Variants in AP5M1 observed in about 807,000 individuals in gnomAD.
The protein encoded by AP5M1 is adaptor related protein complex 5 subunit mu 1.
Under a neutral mutation model 52.3 loss-of-function variants are expected in AP5M1, and 44 were observed. The ratio of observed to expected loss-of-function variants is 0.84; its 90% CI spans 0.66 to 1.08. The LOEUF (loss-of-function observed/expected upper bound fraction) is 1.08. AP5M1 is among the 50% of genes least tolerant of loss of function. AP5M1 has a pLI of 0.00. For synonymous variants in AP5M1, 213 were observed against 199.0 expected (o/e 1.07, Z -0.59); for missense variants, 526 against 568.4 (o/e 0.93, Z 0.76).
chr14:57,296,589 T>C lies in AP5M1; in HGVS notation c.*7705T>C, dbSNP rs1885557576. ...AGAAGTGGTTAGTAATATTTGTAGC[T>C]TGTTAACCAACTGGAGCAAAAGGAC... On this transcript the variant is annotated 3_prime_UTR_variant, in exon 8 of 8. Coordinates refer to ENST00000261558, the MANE Select transcript of AP5M1 (RefSeq NM_018229.4). 1 of 152,118 alleles carries C rather than the reference T, an allele frequency of 6.6e-6. No homozygotes were observed. Among genetic ancestry groups the C allele is most frequent in the African/African-American group, 2.4e-5 (1 of 41,458 alleles). 9.4% of individuals were successfully genotyped at this position (152,118 alleles called of 1,614,324 possible).
At chr14:57,278,205 T>C (rs1051232326) in intron 2 of AP5M1, among the ~76,000 whole-genome samples, 1 of 152,158 alleles carries the variant, frequency 6.6e-6, no homozygotes, top group African/African-American at 2.4e-5. Flanking sequence ...ATGTCTAATA[T>C]AGAAATTAGG....
chr14:57,274,829 G>A lies in AP5M1; in HGVS notation c.660G>A (p.Met220Ile). The A allele has an allele frequency of 6.2e-7, 1 of 1,614,158 alleles. No homozygotes were observed. Among genetic ancestry groups the A allele is most frequent in the Non-Finnish European group, 8.5e-7 (1 of 1,180,022 alleles). ...SISITEKVKS[M>I]QYDKQGIADT... ...CTATCACTGAAAAGGTAAAATCCATGCAATATGATAAACAGGGTATAGCAG... is the reference window on the plus strand; with the variant it reads ...CTATCACTGAAAAGGTAAAATCCATACAATATGATAAACAGGGTATAGCAG... Residue 220 changes from methionine (M) to isoleucine (I), a missense_variant, in exon 2 of 8, where the codon ATG (methionine) becomes ATA (isoleucine). This residue lies in a region of AP5M1 where 425 missense variants were observed against 430.6 expected (regional missense o/e 0.99). Coordinates refer to ENST00000261558, the MANE Select transcript of AP5M1 (RefSeq NM_018229.4).
Position 57,289,028 on chromosome 14 carries a change from T to G in AP5M1, c.*144T>G. The G allele has an allele frequency of 2.0e-6, 1 of 505,616 alleles. No homozygotes were observed. The highest frequency in any genetic ancestry group is 2.7e-5 in the South Asian group (1 of 36,752). The allele number at this position is 505,616 out of a possible 1,614,324, so 31.3% of individuals were successfully genotyped here. A position where few individuals can be genotyped will look rare whatever the true frequency, so the allele number is the denominator to read the frequency against. ...TAAAAGTAGTCTTATGTGGTGTTTGTAGTCTGATAGAGCTTGAAAGGACAT... is the reference window on the plus strand; with the variant it reads ...TAAAAGTAGTCTTATGTGGTGTTTGGAGTCTGATAGAGCTTGAAAGGACAT... On this transcript the variant is annotated 3_prime_UTR_variant, in exon 8 of 8. Transcript: ENST00000261558.
rs1451667991 is a variant in AP5M1 at position 57,298,075 on chromosome 14, A to AACCT, written c.*9191_*9192insACCT. On this transcript the variant is annotated 3_prime_UTR_variant, in exon 8 of 8. Coordinates refer to ENST00000261558, the MANE Select transcript of AP5M1 (RefSeq NM_018229.4). ...ATCATAGGACACGTTCCTTGCAGTT[A>AACCT]TGCTTCAGTGAACTTTAAAACATTT... The AACCT allele has an allele frequency of 6.6e-6, 1 of 152,200 alleles. No homozygotes were observed. Among genetic ancestry groups the AACCT allele is most frequent in the Non-Finnish European group, 1.5e-5 (1 of 68,026 alleles). The allele number at this position is 152,200 out of a possible 1,614,324, so 9.4% of individuals were successfully genotyped here.
intron 7 of AP5M1, 106 bp from the exon 8 acceptor site, chr14:57,288,696 A>T: frequency 5.8e-6 from 4 of 686,154 alleles, no homozygotes; most frequent in Non-Finnish European, 1.0e-5. Flanking sequence ...ATTTCAAAGT[A>T]TTGACTTGAA....
rs755332047 is a variant in AP5M1, at chr14:57,274,482, A to T, written c.313A>T (p.Ile105Leu). 1 of 1,614,178 alleles carries T rather than the reference A, an allele frequency of 6.2e-7. No homozygotes were observed. Among genetic ancestry groups the T allele is most frequent in the East Asian group, 2.2e-5 (1 of 44,880 alleles). Residue 105 changes from isoleucine to leucine, a missense_variant, in exon 2 of 8, where the codon ATA becomes TTA. By Grantham distance (5) the Ile-to-Leu change is conservative. Around this residue, in one of 3 missense-constraint regions of AP5M1, gnomAD observed 425 missense variants for 430.6 expected, o/e 0.99. Coordinates refer to ENST00000261558, the MANE Select transcript of AP5M1 (RefSeq NM_018229.4). ...PVVAFLKNDM[I>L]YACVPLVEQT... ...TGTTGCTTTTCTGAAGAATGACATG[A>T]TATATGCTTGTGTTCCACTAGTTGA...
At chr14:57,282,896 C>G in intron 4 of AP5M1, 38 bp from the exon 5 acceptor site, 1 of 1,395,708 alleles carries the variant, frequency 7.2e-7, no homozygotes, top group South Asian at 1.3e-5. Context: ...ACTGTTATAT[C>G]TATGATCTTT....
At chr14:57,280,701 G>A (rs894404964) in intron 3 of AP5M1, among the ~76,000 whole-genome samples, 3 of 151,888 alleles carry the variant, frequency 2.0e-5, no homozygotes, top group Admixed American at 2.0e-4. Flanking sequence ...AATACAAAAA[G>A]TTAGCCAGGC....
intron 1 of AP5M1, among the ~76,000 whole-genome samples, chr14:57,272,526 A>G (rs1884919088): frequency 6.6e-6 from 1 of 152,228 alleles, no homozygotes; most frequent in African/African-American, 2.4e-5. Flanking sequence ...CCTGTTTTAG[A>G]AAAAGCATAT....
At position 57,296,427 on chromosome 14, in the gene AP5M1, T is replaced by C. The variant is rs975359892; in HGVS notation, c.*7543T>C. The C allele has an allele frequency of 6.6e-6, 1 of 152,022 alleles. No homozygotes were observed. Among genetic ancestry groups the C allele is most frequent in the Non-Finnish European group, 1.5e-5 (1 of 67,950 alleles). The allele number at this position is 152,022 out of a possible 1,614,324, so 9.4% of individuals were successfully genotyped here. ...CTTACCATTTCTATAACATGTACAT[T>C]TATAGAGCATCATATATTTATTTTA... On this transcript the variant is annotated 3_prime_UTR_variant, in exon 8 of 8. Coordinates refer to ENST00000261558, the MANE Select transcript of AP5M1 (RefSeq NM_018229.4).
intron 2 of AP5M1, 121 bp from the exon 3 acceptor site, chr14:57,280,072 AAG>A: frequency 1.3e-6 from 1 of 748,764 alleles, no homozygotes; most frequent in South Asian, 1.7e-5. Context: ...ACAGAAAGCA[AAG>A]AGAACAATAC....
chr14:57,277,085 A>G (rs1478942731), intron 2 of AP5M1, among the ~76,000 whole-genome samples: 1 of 151,174 alleles, frequency 6.6e-6, no homozygotes, highest in Non-Finnish European at 1.5e-5. Flanking sequence ...AAGTTACACA[A>G]TTTTGTGAAT....
At chr14:57,277,261 G>A (rs1209818365) in intron 2 of AP5M1, among the ~76,000 whole-genome samples, 1 of 151,806 alleles carries the variant, frequency 6.6e-6, no homozygotes, top group Non-Finnish European at 1.5e-5. Flanking sequence ...CTGATGATCC[G>A]GCATTTTAAG....
rs1449903017 is a variant in AP5M1, at chr14:57,288,705, A to T, written c.1391-97A>T. The stretch of plus-strand genomic sequence containing the variant: ...ATGAATATTTCAAAGTATTGACTTG[A>T]AATAACTGCATTCCACAATTTCAAA... On this transcript the variant is annotated intron_variant, in intron 7 of 7. Coordinates refer to ENST00000261558, the MANE Select transcript of AP5M1 (RefSeq NM_018229.4). 5.5e-6 allele frequency: 4 copies of T among 721,928 alleles called. 1 individual carries two copies. The highest frequency in any genetic ancestry group is 4.9e-6 in the Non-Finnish European group (2 of 405,578). 44.7% of individuals were successfully genotyped at this position (721,928 alleles called of 1,614,324 possible). A position where few individuals can be genotyped will look rare whatever the true frequency, so the allele number is the denominator to read the frequency against.
chr14:57,292,029 A>C lies in AP5M1; in HGVS notation c.*3145A>C, dbSNP rs1272101992. On this transcript the variant is annotated 3_prime_UTR_variant, in exon 8 of 8. Coordinates refer to ENST00000261558, the MANE Select transcript of AP5M1 (RefSeq NM_018229.4). ...CAAATCAGATTTAGGAGTTACTGAA[A>C]GTGAAATTGATCCATCCCTCATCCA... is the stretch of plus-strand genomic sequence containing the variant. 2.6e-5 allele frequency: 4 copies of C among 151,872 alleles called. No individual in the cohort carries two copies. The highest frequency in any genetic ancestry group is 9.7e-5 in the African/African-American group (4 of 41,400). The allele number at this position is 151,872 out of a possible 1,614,324, so 9.4% of individuals were successfully genotyped here. A position where few individuals can be genotyped will look rare whatever the true frequency, so the allele number is the denominator to read the frequency against.
In AP5M1 at chr14:57,292,728, C is replaced by G. The variant is rs1215616677; in HGVS notation, c.*3844C>G. On this transcript the variant is annotated 3_prime_UTR_variant, in exon 8 of 8. Coordinates refer to ENST00000261558, the MANE Select transcript of AP5M1 (RefSeq NM_018229.4). Reference sequence around the variant, plus strand: ...TACAACTTAGACTGAGAAAATGCTTCTGTTTTATTAAGCTGCATGGTTTCT... The same window carrying G: ...TACAACTTAGACTGAGAAAATGCTTGTGTTTTATTAAGCTGCATGGTTTCT... The G allele has an allele frequency of 6.6e-6, 1 of 151,690 alleles. No homozygotes were observed. Among genetic ancestry groups the G allele is most frequent in the African/African-American group, 2.4e-5 (1 of 41,394 alleles). 9.4% of individuals were successfully genotyped at this position (151,690 alleles called of 1,614,324 possible). A position where few individuals can be genotyped will look rare whatever the true frequency, so the allele number is the denominator to read the frequency against.
In AP5M1 at chr14:57,274,315, G is replaced by T. The variant is rs763290804; in HGVS notation, c.146G>T (p.Gly49Val). 6.2e-7 allele frequency: 1 copy of T among 1,614,128 alleles called. No individual in the cohort carries two copies. The highest frequency in any genetic ancestry group is 8.5e-7 in the Non-Finnish European group (1 of 1,180,026). The change falls in exon 2 of 8, where the codon GGT becomes GTT. Residue 49 changes from glycine to valine, a missense_variant. By Grantham distance (109) the Gly-to-Val change is moderately radical. Transcript: ENST00000261558. ...GASYVPVPEDGPFLKALLFEL... is the reference protein window; with the variant it reads ...GASYVPVPEDVPFLKALLFEL... ...AGTTATGTGCCTGTTCCTGAAGATG[G>T]TCCCTTTCTTAAAGCACTGCTCTTT...
Position 57,286,336 on chromosome 14 carries a change from C to CA in AP5M1, c.1390+20dup. 6.7e-7 allele frequency: 1 copy of CA among 1,488,712 alleles called. No homozygotes were observed. The highest frequency in any genetic ancestry group is 9.4e-7 in the Non-Finnish European group (1 of 1,067,488). The allele number at this position is 1,488,712 out of a possible 1,614,324, so 92.2% of individuals were successfully genotyped here. A position where few individuals can be genotyped will look rare whatever the true frequency, so the allele number is the denominator to read the frequency against. On this transcript the variant is annotated intron_variant, in intron 7 of 7. Coordinates refer to ENST00000261558, the MANE Select transcript of AP5M1 (RefSeq NM_018229.4). ...TAAGTGCACGTAAGTTACACAGATT[C>CA]AAACTAACTTAAGGGAATTAAAATG...
Position 57,269,078 on chromosome 14 carries a change from C to T in AP5M1, c.-237C>T. The T allele has an allele frequency of 1.8e-6, 1 of 569,190 alleles. No homozygotes were observed. The highest frequency in any genetic ancestry group is 2.3e-5 in the South Asian group (1 of 43,312). The allele number at this position is 569,190 out of a possible 1,614,324, so 35.3% of individuals were successfully genotyped here. On this transcript the variant is annotated 5_prime_UTR_variant, in exon 1 of 8. Coordinates refer to ENST00000261558, the MANE Select transcript of AP5M1 (RefSeq NM_018229.4). ...GGAGTTGCAGGGTATAGGTAAATTTCTCAAGGTTATAGGTTGGGGTTCTTA... is the reference window on the plus strand; with the variant it reads ...GGAGTTGCAGGGTATAGGTAAATTTTTCAAGGTTATAGGTTGGGGTTCTTA...
Sources: allele counts gnomAD v4.1 joint callset (sites outside exome capture counted in the v4.1 genomes callset), GRCh38; gene constraint gnomAD v4.1.1; regional missense constraint gnomAD v4.1.1; transcripts MANE v1.5; gene names NCBI Gene and HGNC (gene_info 2026-07-23, HGNC 2026-07-21).